Variants in CNTN4 observed in about 807,000 individuals in gnomAD.
CNTN4 encodes the protein contactin-4.
A neutral mutation model predicts 122.5 loss-of-function variants in CNTN4; 77 were observed. That is an observed-to-expected ratio of 0.63 (90% CI 0.52 to 0.76). CNTN4 has a LOEUF of 0.76. CNTN4 is among the 30% of genes least tolerant of loss of function. The probability of loss-of-function intolerance (pLI) is 0.00; values close to 1 mark genes in which losing one functional copy is unlikely to be tolerated. For synonymous variants in CNTN4, 512 were observed against 447.0 expected (o/e 1.15, Z -1.83); for missense variants, 1,256 against 1,259.1 (o/e 1.00, Z 0.04).
At chr3:2,787,938 C>T (rs994984844) in intron 6 of CNTN4, among the ~76,000 whole-genome samples, 9 of 152,106 alleles carry the variant, frequency 5.9e-5, no homozygotes, top group Admixed American at 2.0e-4. Flanking sequence ...TACAGGCATC[C>T]GCCACCACGC....
chr3:2,343,560 C>T (rs941840395), intron 3 of CNTN4, among the ~76,000 whole-genome samples: 2 of 152,104 alleles, frequency 1.3e-5, no homozygotes, highest in Non-Finnish European at 2.9e-5. Flanking sequence ...GAGGGTAAAC[C>T]CCAGAAAATT....
chr3:2,711,300 T>G (rs530086843), intron 4 of CNTN4, among the ~76,000 whole-genome samples: 25 of 152,278 alleles, frequency 1.6e-4, no homozygotes, highest in Admixed American at 4.6e-4. Flanking sequence ...AGTCAGCACA[T>G]AGTGAGTTCC....
At chr3:2,834,316 G>T (rs538121298) in intron 7 of CNTN4, among the ~76,000 whole-genome samples, 1 of 151,912 alleles carries the variant, frequency 6.6e-6, no homozygotes, top group Non-Finnish European at 1.5e-5. Context: ...TGTAATCCCA[G>T]CACTTTGGGA....
intron 6 of CNTN4, among the ~76,000 whole-genome samples, chr3:2,756,776 C>T (rs2090356329): frequency 6.6e-6 from 1 of 152,184 alleles, no homozygotes; most frequent in Non-Finnish European, 1.5e-5. Context: ...CCAGTGATTG[C>T]TGAAAGCCAC....
chr3:2,712,912 C>T (rs1335635767), intron 4 of CNTN4, among the ~76,000 whole-genome samples: 1 of 152,182 alleles, frequency 6.6e-6, no homozygotes, highest in Non-Finnish European at 1.5e-5. Context: ...GTGGCTCACC[C>T]AAGCAGGGCG....
intron 2 of CNTN4, among the ~76,000 whole-genome samples, chr3:2,240,416 GT>G (rs2039885422): frequency 6.6e-6 from 1 of 151,888 alleles, no homozygotes. Context: ...TTTTAAGCTC[GT>G]TTTTCCAAAT....
chr3:2,203,170 G>A (rs1416591289), intron 2 of CNTN4, among the ~76,000 whole-genome samples: 1 of 151,958 alleles, frequency 6.6e-6, no homozygotes, highest in African/African-American at 2.4e-5. Context: ...ATACATATGT[G>A]TATTTCTATA....
intron 12 of CNTN4, among the ~76,000 whole-genome samples, chr3:2,923,652 T>G (rs990724966): frequency 3.9e-5 from 6 of 152,230 alleles, no homozygotes; most frequent in Non-Finnish European, 8.8e-5. Flanking sequence ...TGCACTTATT[T>G]CATAGCTTAG....
intron 2 of CNTN4, among the ~76,000 whole-genome samples, chr3:2,254,518 G>A (rs552576892): frequency 6.6e-6 from 1 of 152,196 alleles, no homozygotes; most frequent in African/African-American, 2.4e-5. Flanking sequence ...CAGTGTAAAA[G>A]CATTCCTATT....
At chr3:2,588,958 T>C (rs1432501959) in intron 4 of CNTN4, among the ~76,000 whole-genome samples, 3 of 152,194 alleles carry the variant, frequency 2.0e-5, no homozygotes, top group African/African-American at 7.2e-5. Context: ...AGGTAAAAGT[T>C]GATGTAAATC....
intron 4 of CNTN4, among the ~76,000 whole-genome samples, chr3:2,729,364 A>G (rs1365767761): frequency 6.7e-6 from 1 of 149,746 alleles, no homozygotes; most frequent in Non-Finnish European, 1.5e-5. Context: ...GGAGATTGAG[A>G]CCATCCCGGC....
Position 2,813,879 on chromosome 3 carries a change from A to G in CNTN4, c.359-5607A>G, listed in dbSNP as rs535972511. Among the ~76,000 whole-genome samples the G allele has an allele frequency of 2.6e-5, 4 of 152,190 alleles. 1 individual carries two copies. The South Asian group carries it at 6.2e-4, about 24-fold the overall frequency. ...TGGCCTGAATTCCAAATGTTTTCCTATATTAAGACTTTTTATTATTGATAG... is the reference window on the plus strand; with the variant it reads ...TGGCCTGAATTCCAAATGTTTTCCTGTATTAAGACTTTTTATTATTGATAG... On this transcript the variant is annotated intron_variant, in intron 6 of 24. Coordinates refer to ENST00000418658, the MANE Select transcript of CNTN4 (RefSeq NM_175607.3).
chr3:2,664,469 T>C (rs2084052695), intron 4 of CNTN4, among the ~76,000 whole-genome samples: 1 of 105,226 alleles, frequency 9.5e-6, no homozygotes, highest in Non-Finnish European at 2.1e-5. Flanking sequence ...AATTTTATGA[T>C]AAGTAAGTTG....
At chr3:2,898,823 G>A (rs975940870) in intron 10 of CNTN4, among the ~76,000 whole-genome samples, 1 of 152,044 alleles carries the variant, frequency 6.6e-6, no homozygotes, top group African/African-American at 2.4e-5. Flanking sequence ...CATGGACTCT[G>A]TAGGGGTCAA....
intron 7 of CNTN4, among the ~76,000 whole-genome samples, chr3:2,823,339 G>A (rs543737198): frequency 2.0e-5 from 3 of 152,162 alleles, no homozygotes; most frequent in Non-Finnish European, 2.9e-5. Flanking sequence ...GTCCTATTTC[G>A]AAAGCTGTGC....
chr3:2,975,317 A>G (rs1011128676), intron 13 of CNTN4, among the ~76,000 whole-genome samples: 2 of 152,168 alleles, frequency 1.3e-5, no homozygotes, highest in African/African-American at 4.8e-5. Flanking sequence ...CCAACACTGC[A>G]GGATAGCATG....
intron 3 of CNTN4, among the ~76,000 whole-genome samples, chr3:2,481,033 T>TTTC (rs2075979022): frequency 2.1e-4 from 25 of 119,984 alleles, no homozygotes; most frequent in African/African-American, 7.3e-4. Context: ...TTTCTTTTTC[T>TTTC]TTTCTTTCTT....
At chr3:2,565,476 T>C (rs2079117742) in intron 3 of CNTN4, among the ~76,000 whole-genome samples, 1 of 152,162 alleles carries the variant, frequency 6.6e-6, no homozygotes, top group African/African-American at 2.4e-5. Flanking sequence ...ATTTTCATTA[T>C]CCAAGAAGAA....
At chr3:2,340,710 T>TATATATATATATATAGAGAGAG in intron 3 of CNTN4, among the ~76,000 whole-genome samples, 25 of 18,300 alleles carry the variant, frequency 1.4e-3, no homozygotes, top group Admixed American at 2.4e-3. Context: ...TATATATATA[T>TATATATATATATATAGAGAGAG]AGAGAGAGAG....
Sources: gnomAD v4.1 joint callset for allele counts (sites outside exome capture counted in the v4.1 genomes callset) on GRCh38, gnomAD v4.1.1 for gene constraint, MANE v1.5 for transcripts, NCBI Gene and HGNC (gene_info 2026-07-23, HGNC 2026-07-21) for gene names.